The following NCKAP5 variants were observed in gnomAD, a reference collection of about 807,000 sequenced individuals.
NCKAP5 encodes the protein nck-associated protein 5.
In NCKAP5, 92 loss-of-function variants were observed where a neutral mutation model predicts 167.0. The ratio of observed to expected loss-of-function variants is 0.55; its 90% confidence interval spans 0.47 to 0.66. NCKAP5 has a LOEUF of 0.66. NCKAP5 is among the 30% of genes least tolerant of loss of function. NCKAP5 has a pLI of 0.00. For synonymous variants in NCKAP5, 891 were observed against 877.4 expected (o/e 1.02, Z -0.27); for missense variants, 2,378 against 2,315.0 (o/e 1.03, Z -0.56).
chr2:133,004,189 C>A (rs1348470473), intron 6 of NCKAP5, among the ~76,000 whole-genome samples: 1 of 152,198 alleles, frequency 6.6e-6, no homozygotes. Context: ...ATACACCTCA[C>A]TGGCTTTTAC....
chr2:132,819,992 T>G (rs1686583675), intron 11 of NCKAP5, among the ~76,000 whole-genome samples: 1 of 152,206 alleles, frequency 6.6e-6, no homozygotes, highest in Non-Finnish European at 1.5e-5. Context: ...TCAAGGCTTT[T>G]ATAAAGTTTT....
chr2:132,858,844 C>G (rs1429114704), intron 11 of NCKAP5, among the ~76,000 whole-genome samples: 1 of 152,090 alleles, frequency 6.6e-6, no homozygotes, highest in Non-Finnish European at 1.5e-5. Context: ...TGCTTATATA[C>G]CCATAGCACG....
intron 4 of NCKAP5, among the ~76,000 whole-genome samples, chr2:133,223,381 T>C (rs1212217162): frequency 6.6e-6 from 1 of 151,988 alleles, no homozygotes; most frequent in African/African-American, 2.4e-5. Context: ...CAAGACCCAT[T>C]CTCTCCCCAC....
Position 133,346,142 on chromosome 2 carries a change from A to T in NCKAP5, c.70-43032T>A, listed in dbSNP as rs113051889. Among the ~76,000 whole-genome samples, 840 of 152,302 alleles carry T rather than the reference A, an allele frequency of 5.5e-3. 12 individuals carry two copies. The highest frequency in any genetic ancestry group is 0.019 in the African/African-American group (806 of 41,568). Reference sequence around the variant, plus strand: ...CTAAGCAACGTTTGCCTCTTACCTAACCATGGAGAAGGAATAAAATGACCC... The same window carrying T: ...CTAAGCAACGTTTGCCTCTTACCTATCCATGGAGAAGGAATAAAATGACCC... On this transcript the variant is annotated intron_variant, in intron 3 of 19. Coordinates refer to ENST00000409261, the MANE Select transcript of NCKAP5 (RefSeq NM_207363.3).
At chr2:133,630,082 G>C in the NCKAP5 span, among the ~76,000 whole-genome samples, 1 of 152,098 alleles carries the variant, frequency 6.6e-6, no homozygotes, top group East Asian at 1.9e-4. Flanking sequence ...AACCACCATG[G>C]CACACATTTA....
intron 3 of NCKAP5, among the ~76,000 whole-genome samples, chr2:133,318,458 GC>G (rs1681773130): frequency 6.6e-6 from 1 of 152,284 alleles, no homozygotes; most frequent in East Asian, 1.9e-4. Flanking sequence ...ATTAAAAAGT[GC>G]TTTTATAGGT....
chr2:132,951,502 T>C (rs2076186035), intron 8 of NCKAP5, among the ~76,000 whole-genome samples: 1 of 152,236 alleles, frequency 6.6e-6, no homozygotes, highest in African/African-American at 2.4e-5. Context: ...TGGGTCACAC[T>C]GCTTTGGTTA....
intron 8 of NCKAP5, among the ~76,000 whole-genome samples, chr2:132,917,198 A>G (rs1694951902): frequency 6.6e-6 from 1 of 152,238 alleles, no homozygotes; most frequent in Non-Finnish European, 1.5e-5. Context: ...TTGATCTGCC[A>G]TGGCTTTGAT....
chr2:133,126,489 T>C (rs2082408412), intron 6 of NCKAP5, among the ~76,000 whole-genome samples: 1 of 152,216 alleles, frequency 6.6e-6, no homozygotes, highest in Admixed American at 6.5e-5. Flanking sequence ...CTCTTAGACA[T>C]GACCCAGCAT....
chr2:133,550,122 A>C (rs1002439380), intron 2 of NCKAP5, among the ~76,000 whole-genome samples: 1 of 148,536 alleles, frequency 6.7e-6, no homozygotes, highest in African/African-American at 2.5e-5. Flanking sequence ...ACCAACCAAA[A>C]AGAGTCCAGG....
intron 6 of NCKAP5, among the ~76,000 whole-genome samples, chr2:133,051,546 C>T (rs1437907): frequency 0.6 from 90,624 of 151,954 alleles, 28,305 homozygotes; most frequent in East Asian, 0.95. Context: ...GGAAGGCAGG[C>T]GGTTTGCTAG....
chr2:132,980,395 G>A (rs2077099630), intron 7 of NCKAP5, among the ~76,000 whole-genome samples: 1 of 152,136 alleles, frequency 6.6e-6, no homozygotes, highest in African/African-American at 2.4e-5. Flanking sequence ...CCTTAGGGTG[G>A]AACCAGCACA....
At chr2:133,402,682 C>T (rs971053099) in intron 3 of NCKAP5, among the ~76,000 whole-genome samples, 2 of 152,176 alleles carry the variant, frequency 1.3e-5, no homozygotes, top group Non-Finnish European at 1.5e-5. Flanking sequence ...GCACTTCCTC[C>T]TTCTCTCTCT....
chr2:133,089,604 T>A (rs922115979), intron 6 of NCKAP5, among the ~76,000 whole-genome samples: 1 of 152,222 alleles, frequency 6.6e-6, no homozygotes, highest in African/African-American at 2.4e-5. Context: ...ACAAAAGAGA[T>A]GCATTCTAGG....
intron 5 of NCKAP5, among the ~76,000 whole-genome samples, chr2:133,139,882 C>T (rs2082932805): frequency 6.6e-6 from 1 of 152,164 alleles, no homozygotes; most frequent in Admixed American, 6.5e-5. Context: ...GAAAGCAAGA[C>T]ATTGAGTAAT....
intron 5 of NCKAP5, among the ~76,000 whole-genome samples, chr2:133,205,291 T>TTAGATAGATAGATAGACAGATAGATAGA (rs146531752): frequency 6.7e-6 from 1 of 149,650 alleles, no homozygotes; most frequent in African/African-American, 2.5e-5. Context: ...GACTCTGAAA[T>TTAGATAGATAGATAGACAGATAGATAGA]TAGATAGATA....
At chr2:133,158,082 G>C (rs530711267) in intron 5 of NCKAP5, among the ~76,000 whole-genome samples, 1 of 152,338 alleles carries the variant, frequency 6.6e-6, no homozygotes, top group East Asian at 1.9e-4. Flanking sequence ...TAGCCAGAGA[G>C]AGCAGTATTG....
chr2:132,772,651 A>C (rs1315478650), intron 16 of NCKAP5, among the ~76,000 whole-genome samples: 1 of 152,224 alleles, frequency 6.6e-6, no homozygotes, highest in African/African-American at 2.4e-5. Context: ...TACATTGACA[A>C]CTATAATAAA....
chr2:133,573,362 T>C (rs1211888229), upstream of NCKAP5, among the ~76,000 whole-genome samples: 2 of 152,216 alleles, frequency 1.3e-5, no homozygotes. Flanking sequence ...AACACACATG[T>C]AATCTGTCTG....
Sources: gnomAD v4.1 joint callset for allele counts (sites outside exome capture counted in the v4.1 genomes callset) on GRCh38, gnomAD v4.1.1 for gene constraint, MANE v1.5 for transcripts, NCBI Gene and HGNC (gene_info 2026-07-23, HGNC 2026-07-21) for gene names.